Variants in MAPKAP1 observed in about 807,000 individuals in gnomAD.
MAPKAP1 encodes the protein target of rapamycin complex 2 subunit MAPKAP1.
MAPKAP1 carries 20 observed loss-of-function variants against 65.7 expected under a neutral mutation model. That is an observed-to-expected ratio of 0.30 (90% CI 0.21 to 0.44). The LOEUF (loss-of-function observed/expected upper bound fraction) is 0.44. Among genes scored for constraint, MAPKAP1 ranks in the 20% least tolerant of loss-of-function variants. The pLI, the probability that MAPKAP1 is intolerant of heterozygous loss-of-function variation, is 1.00. For synonymous variants in MAPKAP1, 222 were observed against 244.3 expected (o/e 0.91, Z 0.85); for missense variants, 423 against 648.0 (o/e 0.65, Z 3.77).
chr9:125,456,164 A>G (rs1853155180), intron 10 of MAPKAP1, among the ~76,000 whole-genome samples: 1 of 152,006 alleles, frequency 6.6e-6, no homozygotes, highest in Non-Finnish European at 1.5e-5. Flanking sequence ...GCTGCTTTTA[A>G]GATTTTTCTC....
At chr9:125,444,195 T>A (rs1418139534) in intron 11 of MAPKAP1, among the ~76,000 whole-genome samples, 1 of 152,136 alleles carries the variant, frequency 6.6e-6, no homozygotes, top group Non-Finnish European at 1.5e-5. Context: ...TGCAGGAAAA[T>A]AAACAGTACA....
At chr9:125,602,051 G>A (rs929737162) in intron 4 of MAPKAP1, among the ~76,000 whole-genome samples, 2 of 151,988 alleles carry the variant, frequency 1.3e-5, no homozygotes, top group African/African-American at 4.8e-5. Flanking sequence ...CCCAGGAGTC[G>A]AGACCAGCCA....
chr9:125,463,436 A>G (rs1427505856), intron 10 of MAPKAP1, among the ~76,000 whole-genome samples: 1 of 152,272 alleles, frequency 6.6e-6, no homozygotes, highest in Non-Finnish European at 1.5e-5. Context: ...AGTAAATTAA[A>G]TACACTACTT....
At chr9:125,614,892 T>C (rs1404658128) in intron 4 of MAPKAP1, among the ~76,000 whole-genome samples, 1 of 152,182 alleles carries the variant, frequency 6.6e-6, no homozygotes, top group Non-Finnish European at 1.5e-5. Context: ...CAACATGGTA[T>C]TGTGAAGCAA....
chr9:125,707,182 G>C lies in MAPKAP1; in HGVS notation c.-281C>G, dbSNP rs898569251. On this transcript the variant is annotated 5_prime_UTR_variant, in exon 1 of 12. Coordinates refer to ENST00000265960, the MANE Select transcript of MAPKAP1 (RefSeq NM_001006617.3). Reference sequence around the variant, plus strand: ...GCCGCCGCCGGCCGGCCGAGCAGCAGCCCTATTACCCCGAGCCGCACACGA... The same window carrying C: ...GCCGCCGCCGGCCGGCCGAGCAGCACCCCTATTACCCCGAGCCGCACACGA... 20 of 398,048 alleles carry C rather than the reference G, an allele frequency of 5.0e-5. No individual in the cohort carries two copies. Among genetic ancestry groups the C allele is most frequent in the Admixed American group, 2.6e-4 (6 of 22,712 alleles). 24.7% of individuals were successfully genotyped at this position (398,048 alleles called of 1,614,324 possible). A position where few individuals can be genotyped will look rare whatever the true frequency, so the allele number is the denominator to read the frequency against.
At chr9:125,533,226 C>T (rs1014941824) in intron 7 of MAPKAP1, among the ~76,000 whole-genome samples, 6 of 151,956 alleles carry the variant, frequency 3.9e-5, no homozygotes, top group African/African-American at 1.5e-4. Context: ...TTAAAATAGT[C>T]GTGACTGACC....
chr9:125,691,171 G>A (rs1265327562), intron 1 of MAPKAP1, among the ~76,000 whole-genome samples: 1 of 152,164 alleles, frequency 6.6e-6, no homozygotes, highest in Admixed American at 6.5e-5. Context: ...TGAGGCAGGA[G>A]AATGGCGTGA....
intron 6 of MAPKAP1, among the ~76,000 whole-genome samples, chr9:125,543,664 C>T (rs1243841129): frequency 2.6e-5 from 4 of 151,838 alleles, no homozygotes. Flanking sequence ...TGGTGGGTGG[C>T]GGGGGGGCAG....
chr9:125,692,871 G>A (rs979247847), intron 1 of MAPKAP1, among the ~76,000 whole-genome samples: 8 of 151,710 alleles, frequency 5.3e-5, no homozygotes, highest in Non-Finnish European at 1.0e-4. Flanking sequence ...TGCAAAAATG[G>A]CAGTTTCCAA....
intron 1 of MAPKAP1, among the ~76,000 whole-genome samples, chr9:125,674,643 T>C (rs1834592080): frequency 6.6e-6 from 1 of 152,222 alleles, no homozygotes; most frequent in African/African-American, 2.4e-5. Flanking sequence ...TGGAAACACA[T>C]CATTCTGCTG....
chr9:125,603,121 C>T (rs1230942349), intron 4 of MAPKAP1, among the ~76,000 whole-genome samples: 1 of 151,724 alleles, frequency 6.6e-6, no homozygotes, highest in African/African-American at 2.4e-5. Flanking sequence ...GTTGCCCAGG[C>T]TAGTCTCAAA....
At chr9:125,499,425 T>C (rs1173866199) in intron 8 of MAPKAP1, among the ~76,000 whole-genome samples, 1 of 152,228 alleles carries the variant, frequency 6.6e-6, no homozygotes, top group East Asian at 1.9e-4. Context: ...TTTACTTCCA[T>C]TTTACAAAGA....
chr9:125,701,919 T>C (rs1835611042), intron 1 of MAPKAP1, among the ~76,000 whole-genome samples: 1 of 152,220 alleles, frequency 6.6e-6, no homozygotes, highest in African/African-American at 2.4e-5. Context: ...CACTGGCAAT[T>C]TACCATGAGA....
chr9:125,646,907 T>C (rs1401636525), intron 4 of MAPKAP1, among the ~76,000 whole-genome samples: 1 of 152,256 alleles, frequency 6.6e-6, no homozygotes, highest in Non-Finnish European at 1.5e-5. Flanking sequence ...AATCTGGCCC[T>C]AGCCTCAGAG....
intron 4 of MAPKAP1, among the ~76,000 whole-genome samples, chr9:125,596,935 C>G (rs1261617053): frequency 7.1e-6 from 1 of 140,832 alleles, no homozygotes; most frequent in Admixed American, 7.5e-5. Context: ...ATGTAACAGT[C>G]TGATCATGAC....
At chr9:125,552,620 T>C (rs1430152047) in intron 6 of MAPKAP1, among the ~76,000 whole-genome samples, 2 of 152,150 alleles carry the variant, frequency 1.3e-5, no homozygotes, top group African/African-American at 4.8e-5. Context: ...TAGTGTAAAT[T>C]ATTCCCACTG....
chr9:125,698,302 T>TA lies in MAPKAP1; in HGVS notation c.-70+8668dup, dbSNP rs1193034214. 1.8e-4 allele frequency among the ~76,000 whole-genome samples: 4 copies of TA among 21,858 alleles called. 1 individual carries two copies. The highest frequency in any genetic ancestry group is 6.4e-4 in the African/African-American group (4 of 6,288). The allele number at this position is 21,858 out of a possible 152,430, so 14.3% of individuals were successfully genotyped here. ...TAATATATATAAATATATATATATATATATATATATATATATATATATATA... is the reference window on the plus strand; with the variant it reads ...TAATATATATAAATATATATATATATAATATATATATATATATATATATATA... On this transcript the variant is annotated intron_variant, in intron 1 of 11. Coordinates refer to ENST00000265960, the MANE Select transcript of MAPKAP1 (RefSeq NM_001006617.3).
At chr9:125,468,242 A>T in intron 9 of MAPKAP1, 133 bp from the exon 10 acceptor site, 1 of 843,396 alleles carries the variant, frequency 1.2e-6, no homozygotes, top group Non-Finnish European at 1.8e-6. Flanking sequence ...GCTTTGGGGA[A>T]TGCCACGGGC....
chr9:125,625,931 T>C (rs1315121509), intron 4 of MAPKAP1, among the ~76,000 whole-genome samples: 2 of 152,236 alleles, frequency 1.3e-5, no homozygotes, highest in Non-Finnish European at 2.9e-5. Context: ...ACATTTGGAT[T>C]GTCCAATTAT....
Sources: gnomAD v4.1 joint callset for allele counts (sites outside exome capture counted in the v4.1 genomes callset) on GRCh38, gnomAD v4.1.1 for gene constraint, MANE v1.5 for transcripts, NCBI Gene and HGNC (gene_info 2026-07-23, HGNC 2026-07-21) for gene names.